The following FAM200C variants were observed in gnomAD, a reference collection of about 807,000 sequenced individuals.
chr5:160,393,625 T>G, the FAM200C span: 1 of 1,051,756 alleles, frequency 9.5e-7, no homozygotes, highest in Admixed American at 2.8e-5. Flanking sequence ...CAGTATATCA[T>G]AAATATGAAA....
the FAM200C span, among the ~76,000 whole-genome samples, chr5:160,395,854 C>T: frequency 1.3e-5 from 2 of 152,154 alleles, no homozygotes; most frequent in Non-Finnish European, 2.9e-5. Flanking sequence ...ACAAATCTAG[C>T]ACATTTTGTA....
the FAM200C span, chr5:160,393,884 A>T: frequency 6.2e-7 from 1 of 1,614,168 alleles, no homozygotes; most frequent in South Asian, 1.1e-5. Context: ...TGCAAATGGC[A>T]TAAGGATTTC....
the FAM200C span, chr5:160,395,181 T>C: frequency 2.3e-5 from 37 of 1,613,742 alleles, 2 homozygotes; most frequent in Admixed American, 2.2e-4. Flanking sequence ...TTCTTCTCCT[T>C]GGCACATAAA....
At chr5:160,393,788 A>G in the FAM200C span, 1 of 1,586,664 alleles carries the variant, frequency 6.3e-7, no homozygotes, top group South Asian at 1.1e-5. Flanking sequence ...AGCCACACGG[A>G]TATCATCACT....
the FAM200C span, chr5:160,399,529 GGT>G: frequency 2.6e-5 from 4 of 152,282 alleles, no homozygotes; most frequent in African/African-American, 9.6e-5. Context: ...GCAGGAACTT[GGT>G]GGCTGGGCAG....
At chr5:160,398,269 G>T in the FAM200C span, among the ~76,000 whole-genome samples, 2 of 152,034 alleles carry the variant, frequency 1.3e-5, no homozygotes, top group East Asian at 1.9e-4. Flanking sequence ...TCAAAAAAAG[G>T]CTGGGTACGG....
chr5:160,394,046 A>G, the FAM200C span: 3 of 1,611,768 alleles, frequency 1.9e-6, no homozygotes, highest in South Asian at 2.2e-5. Flanking sequence ...AACAAAATCG[A>G]TATTAAAAAG....
chr5:160,395,368 G>T, the FAM200C span: 1 of 1,614,068 alleles, frequency 6.2e-7, no homozygotes, highest in Non-Finnish European at 8.5e-7. Context: ...ATGGTCTGAG[G>T]TCAGCATTTG....
At chr5:160,393,812 C>T in the FAM200C span, 3 of 1,606,214 alleles carry the variant, frequency 1.9e-6, no homozygotes, top group East Asian at 4.5e-5. Flanking sequence ...ATTAAAGCAG[C>T]TTCTGGACTT....
the FAM200C span, among the ~76,000 whole-genome samples, chr5:160,399,363 A>G: frequency 6.6e-6 from 1 of 152,264 alleles, no homozygotes; most frequent in East Asian, 1.9e-4. Context: ...TGAAAACACC[A>G]AAGTGCAGCT....
chr5:160,393,979 G>T, the FAM200C span: 4 of 1,613,746 alleles, frequency 2.5e-6, no homozygotes, highest in Non-Finnish European at 3.4e-6. Context: ...ATTCCATTAG[G>T]ATTTGGCCAC....
the FAM200C span, among the ~76,000 whole-genome samples, chr5:160,396,698 G>GGAAAAAAAAAAAAAAAAAA: frequency 2.1e-5 from 1 of 48,370 alleles, no homozygotes; most frequent in Non-Finnish European, 4.7e-5. Context: ...AGTCTCTGTG[G>GGAAAAAAAAAAAAAAAAAA]AAAAAAAAAA....
the FAM200C span, chr5:160,394,219 A>G: frequency 6.2e-7 from 1 of 1,611,780 alleles, no homozygotes; most frequent in Non-Finnish European, 8.5e-7. Context: ...GAAAATTGGT[A>G]AAATTTCTTT....
At chr5:160,399,911 G>A in the FAM200C span, 1 of 152,312 alleles carries the variant, frequency 6.6e-6, no homozygotes, top group Non-Finnish European at 1.5e-5. Context: ...CTCAGCCTAG[G>A]GCCCAGCCTC....
At chr5:160,394,701 G>C in the FAM200C span, 1 of 1,614,128 alleles carries the variant, frequency 6.2e-7, no homozygotes, top group Non-Finnish European at 8.5e-7. Context: ...ACGATATGAG[G>C]TATCTCTTTT....
the FAM200C span, among the ~76,000 whole-genome samples, chr5:160,399,409 T>A: frequency 2.0e-5 from 3 of 152,240 alleles, no homozygotes; most frequent in Non-Finnish European, 4.4e-5. Context: ...ACAATTCAAC[T>A]TCTTTCTAGC....
the FAM200C span, chr5:160,393,785 C>T: frequency 9.2e-5 from 145 of 1,581,476 alleles, no homozygotes; most frequent in Admixed American, 1.4e-4. Flanking sequence ...AATAGCCACA[C>T]GGATATCATC....
chr5:160,394,810 A>G, the FAM200C span: 1 of 1,613,992 alleles, frequency 6.2e-7, no homozygotes, highest in Non-Finnish European at 8.5e-7. Context: ...TATGCTTCAG[A>G]AAGAAGTCTC....
the FAM200C span, chr5:160,394,196 T>G: frequency 6.2e-7 from 1 of 1,611,944 alleles, no homozygotes; most frequent in Non-Finnish European, 8.5e-7. Flanking sequence ...AACAATTATT[T>G]CTTCAAGAAA....
Sources: gnomAD v4.1 joint callset for allele counts (sites outside exome capture counted in the v4.1 genomes callset) on GRCh38, gnomAD v4.1.1 for gene constraint, MANE v1.5 for transcripts.